Variants in PIK3CB observed in about 807,000 individuals in gnomAD.
PIK3CB encodes the protein phosphatidylinositol 4,5-bisphosphate 3-kinase catalytic subunit beta isoform.
In PIK3CB, 39 loss-of-function variants were observed where a neutral mutation model predicts 136.8. The ratio of observed to expected loss-of-function variants is 0.29; its 90% CI spans 0.22 to 0.37. The LOEUF (loss-of-function observed/expected upper bound fraction) is 0.37. PIK3CB is among the 10% of genes least tolerant of loss of function. The pLI is 1.00. For synonymous variants in PIK3CB, 428 were observed against 436.6 expected (o/e 0.98, Z 0.25); for missense variants, 868 against 1,275.4 (o/e 0.68, Z 4.87).
At chr3:138,759,013 A>G (rs571919207) in intron 3 of PIK3CB, among the ~76,000 whole-genome samples, 160 bp downstream of exon 3, 6 of 152,180 alleles carry the variant, frequency 3.9e-5, no homozygotes, top group South Asian at 2.1e-4. Flanking sequence ...CCAAACAAAC[A>G]TTTCAAACTA....
rs1212259305 is a variant in PIK3CB at position 138,785,112 on chromosome 3, C to T, written c.-17+11351G>A. On this transcript the variant is annotated intron_variant, in intron 2 of 23. Coordinates refer to ENST00000674063, the MANE Select transcript of PIK3CB (RefSeq NM_006219.3). ...TGTCCGGGAGGTGGGGGGCAGCCCC[C>T]GCTCGGCCAGCCGCCCCGTCCGGGA... is the stretch of plus-strand genomic sequence containing the variant. 2.6e-5 allele frequency among the ~76,000 whole-genome samples: 4 copies of T among 151,712 alleles called. No individual in the cohort carries two copies. The East Asian group carries it at 7.8e-4, about 30-fold the overall frequency.
intron 14 of PIK3CB, among the ~76,000 whole-genome samples, chr3:138,692,569 A>C (rs75226484): frequency 6.6e-6 from 1 of 152,324 alleles, no homozygotes; most frequent in African/African-American, 2.4e-5. Flanking sequence ...ATAACCTATA[A>C]ATAGTGTAAA....
In PIK3CB at chr3:138,655,341, T is replaced by A. The variant is rs2108380494; in HGVS notation, c.*48A>T. 1 of 1,594,330 alleles carries A rather than the reference T, an allele frequency of 6.3e-7. No homozygotes were observed. Among genetic ancestry groups the A allele is most frequent in the Non-Finnish European group, 8.6e-7 (1 of 1,164,788 alleles). ...TGTTCAATTTAGTGCAAGTGCAAAA[T>A]GAAAATGAAATGAAACCAACAAATA... is the stretch of plus-strand genomic sequence containing the variant. On this transcript the variant is annotated 3_prime_UTR_variant, in exon 24 of 24. Transcript: ENST00000674063.
intron 1 of PIK3CB, among the ~76,000 whole-genome samples, chr3:138,798,773 G>GACC (rs2046137854): frequency 6.6e-6 from 1 of 151,980 alleles, no homozygotes; most frequent in Non-Finnish European, 1.5e-5. Flanking sequence ...CTGGAACTAA[G>GACC]ACCTTAGCAC....
At chr3:138,758,734 A>C (rs2045617109) in intron 3 of PIK3CB, among the ~76,000 whole-genome samples, 1 of 152,218 alleles carries the variant, frequency 6.6e-6, no homozygotes, top group Non-Finnish European at 1.5e-5. Context: ...AAACAAGTTC[A>C]TGTATATGCT....
At position 138,655,319 on chromosome 3, in the gene PIK3CB, T is replaced by A; in HGVS notation, c.*70A>T. 1.1e-5 allele frequency: 17 copies of A among 1,480,174 alleles called. No individual in the cohort carries two copies. Among genetic ancestry groups the A allele is most frequent in the Non-Finnish European group, 1.6e-5 (17 of 1,064,568 alleles). 91.7% of individuals were successfully genotyped at this position (1,480,174 alleles called of 1,614,324 possible). ...TATAACATCTCTAACAGGGTCATGTTCAATTTAGTGCAAGTGCAAAATGAA... is the reference window on the plus strand; with the variant it reads ...TATAACATCTCTAACAGGGTCATGTACAATTTAGTGCAAGTGCAAAATGAA... On this transcript the variant is annotated 3_prime_UTR_variant, in exon 24 of 24. Transcript: ENST00000674063.
At chr3:138,672,232 G>C (rs1180329241) in intron 19 of PIK3CB, among the ~76,000 whole-genome samples, 1 of 152,026 alleles carries the variant, frequency 6.6e-6, no homozygotes, top group South Asian at 2.1e-4. Flanking sequence ...GATGTGGCAT[G>C]AAAGTTTCCC....
intron 2 of PIK3CB, among the ~76,000 whole-genome samples, chr3:138,759,964 T>C (rs1310782321): frequency 6.6e-6 from 1 of 151,796 alleles, no homozygotes; most frequent in Non-Finnish European, 1.5e-5. Context: ...CTCTGTTGCC[T>C]AGGCTGGAAT....
intron 1 of PIK3CB, among the ~76,000 whole-genome samples, chr3:138,811,802 A>C (rs981274770): frequency 6.6e-6 from 1 of 152,144 alleles, no homozygotes; most frequent in African/African-American, 2.4e-5. Context: ...CTGAAAAAAA[A>C]AACAGGCTAG....
chr3:138,680,097 C>A (rs1434975621), intron 19 of PIK3CB, among the ~76,000 whole-genome samples: 2 of 152,048 alleles, frequency 1.3e-5, no homozygotes, highest in Non-Finnish European at 2.9e-5. Context: ...CGGCGACTCA[C>A]GCCTGTAATT....
At position 138,733,415 on chromosome 3, in the gene PIK3CB, A is replaced by G; in HGVS notation, c.996T>C (p.Pro332=). ...TTCCCTTAACCAAGACAATTTGGAAAGGGTTGTTATTTTCCCAAACATGCT... is the reference window on the plus strand; with the variant it reads ...TTCCCTTAACCAAGACAATTTGGAAGGGGTTGTTATTTTCCCAAACATGCT... ...IISHVWENNN[P]FQIVLVKGNK... Residue 332 remains proline (P), a synonymous_variant, in exon 8 of 24, where the codon CCT becomes CCC. Transcript: ENST00000674063. 1.3e-6 allele frequency: 2 copies of G among 1,556,876 alleles called. No individual in the cohort carries two copies. Among genetic ancestry groups the G allele is most frequent in the Non-Finnish European group, 8.8e-7 (1 of 1,130,842 alleles).
At chr3:138,809,505 C>T (rs1576425992) in intron 1 of PIK3CB, among the ~76,000 whole-genome samples, 1 of 149,012 alleles carries the variant, frequency 6.7e-6, no homozygotes, top group East Asian at 2.0e-4. Context: ...ACTCAGGAGG[C>T]TGAGGCAGGA....
chr3:138,778,171 G>A (rs753244180), intron 2 of PIK3CB: 66 of 451,254 alleles, frequency 1.5e-4, no homozygotes, highest in Non-Finnish European at 2.9e-4. Context: ...AGGAGAAACC[G>A]AAAGGGTCAT....
chr3:138,821,509 G>A (rs1315484108), intron 1 of PIK3CB, among the ~76,000 whole-genome samples: 2 of 152,110 alleles, frequency 1.3e-5, no homozygotes, highest in African/African-American at 2.4e-5. Context: ...AATAGCCTGG[G>A]CATGGCGGCT....
chr3:138,747,746 G>A (rs1055733282), intron 4 of PIK3CB, among the ~76,000 whole-genome samples: 6 of 151,790 alleles, frequency 4.0e-5, no homozygotes, highest in Non-Finnish European at 7.4e-5. Flanking sequence ...GCTGTGATTC[G>A]TCTGCAAGTT....
rs543677437 is a variant in PIK3CB, at chr3:138,707,113, C to A, written c.1530+46G>T. On this transcript the variant is annotated intron_variant, in intron 11 of 23. Coordinates refer to ENST00000674063, the MANE Select transcript of PIK3CB (RefSeq NM_006219.3). ...TTAAACTATACATAGAGGAACTGATCATTCAATCATTTCATGCATAGAGGT... is the reference window on the plus strand; with the variant it reads ...TTAAACTATACATAGAGGAACTGATAATTCAATCATTTCATGCATAGAGGT... 7.3e-6 allele frequency: 8 copies of A among 1,102,542 alleles called. No homozygotes were observed. The South Asian group carries it at 7.5e-5, about 10-fold the overall frequency. 68.3% of individuals were successfully genotyped at this position (1,102,542 alleles called of 1,614,324 possible). A position where few individuals can be genotyped will look rare whatever the true frequency, so the allele number is the denominator to read the frequency against.
intron 4 of PIK3CB, among the ~76,000 whole-genome samples, chr3:138,752,181 T>C (rs2045485435): frequency 6.6e-6 from 1 of 151,576 alleles, no homozygotes; most frequent in African/African-American, 2.4e-5. Flanking sequence ...CAAACAGAAC[T>C]CAAACAACAG....
In PIK3CB at chr3:138,653,989, C is replaced by A. The variant is rs762523897; in HGVS notation, c.*1400G>T. 1 of 196,974 alleles carries A rather than the reference C, an allele frequency of 5.1e-6. No homozygotes were observed. The allele number at this position is 196,974 out of a possible 1,614,324, so 12.2% of individuals were successfully genotyped here. A position where few individuals can be genotyped will look rare whatever the true frequency, so the allele number is the denominator to read the frequency against. Reference sequence around the variant, plus strand: ...AGTTCCAGTGCCAAGTTCCAAAGGCCCAGTCTACCCATAAAGAAGAGGCTC... The same window carrying A: ...AGTTCCAGTGCCAAGTTCCAAAGGCACAGTCTACCCATAAAGAAGAGGCTC... On this transcript the variant is annotated 3_prime_UTR_variant, in exon 24 of 24. Transcript: ENST00000674063.
At chr3:138,731,356 G>A (rs1382516654) in intron 8 of PIK3CB, among the ~76,000 whole-genome samples, 1 of 151,858 alleles carries the variant, frequency 6.6e-6, no homozygotes. Context: ...AGGCTCCAGC[G>A]ATCCTCCCAC....
Sources: allele counts gnomAD v4.1 joint callset (sites outside exome capture counted in the v4.1 genomes callset), GRCh38; gene constraint gnomAD v4.1.1; transcripts MANE v1.5; gene names NCBI Gene and HGNC (gene_info 2026-07-23, HGNC 2026-07-21).